CCDC85A: variants seen among roughly 807,000 people sequenced by gnomAD.
The protein encoded by CCDC85A is coiled-coil domain containing 85A.
In CCDC85A, 38 loss-of-function variants were observed where a neutral mutation model predicts 50.2. That is an observed-to-expected ratio of 0.76 (90% CI 0.58 to 0.99). The LOEUF (loss-of-function observed/expected upper bound fraction) is 0.99. CCDC85A is among the 50% of genes least tolerant of loss of function. The pLI is 0.00. For synonymous variants in CCDC85A, 366 were observed against 301.4 expected (o/e 1.21, Z -2.22); for missense variants, 820 against 742.0 (o/e 1.11, Z -1.22).
At chr2:56,355,304 G>A (rs537685884) in intron 3 of CCDC85A, among the ~76,000 whole-genome samples, 12 of 152,322 alleles carry the variant, frequency 7.9e-5, no homozygotes, top group African/African-American at 2.9e-4. Context: ...CCAGGAAATG[G>A]AGGTGGGAAG....
chr2:56,213,848 G>A lies in CCDC85A; in HGVS notation c.1240+20408G>A, dbSNP rs72801180. Among the ~76,000 whole-genome samples the A allele has an allele frequency of 1.3e-4, 20 of 151,994 alleles. 1 individual carries two copies. The highest frequency in any genetic ancestry group is 4.1e-4 in the South Asian group (2 of 4,822). Reference sequence around the variant, plus strand: ...GAAAATAGAACAACCAAAAATACCCGCCTCTCATAAATATGACATGATTAT... The same window carrying A: ...GAAAATAGAACAACCAAAAATACCCACCTCTCATAAATATGACATGATTAT... On this transcript the variant is annotated intron_variant, in intron 2 of 5. Coordinates refer to ENST00000407595, the MANE Select transcript of CCDC85A (RefSeq NM_001080433.2).
At chr2:56,275,721 A>G (rs1361148819) in intron 2 of CCDC85A, among the ~76,000 whole-genome samples, 1 of 152,190 alleles carries the variant, frequency 6.6e-6, no homozygotes, top group Non-Finnish European at 1.5e-5. Flanking sequence ...AAACATATAC[A>G]TCCCTGTATA....
chr2:56,229,006 T>C (rs1252490517), intron 2 of CCDC85A, among the ~76,000 whole-genome samples: 1 of 152,226 alleles, frequency 6.6e-6, no homozygotes, highest in Non-Finnish European at 1.5e-5. Context: ...ACTGGATACC[T>C]GTGATTGCAA....
chr2:56,332,970 G>A (rs1673888320), intron 2 of CCDC85A, among the ~76,000 whole-genome samples: 1 of 152,112 alleles, frequency 6.6e-6, no homozygotes, highest in Non-Finnish European at 1.5e-5. Flanking sequence ...TACATTACTG[G>A]TTGATTCCTT....
chr2:56,287,002 G>T (rs1006756707), intron 2 of CCDC85A, among the ~76,000 whole-genome samples: 4 of 152,066 alleles, frequency 2.6e-5, no homozygotes, highest in African/African-American at 9.7e-5. Flanking sequence ...TTTCTCCAAG[G>T]GGTGCCCTTT....
chr2:56,239,787 G>A (rs1669176629), intron 2 of CCDC85A, among the ~76,000 whole-genome samples: 2 of 152,244 alleles, frequency 1.3e-5, no homozygotes, highest in South Asian at 4.1e-4. Flanking sequence ...GGCAGTTACT[G>A]GAGAGATGAT....
intron 2 of CCDC85A, among the ~76,000 whole-genome samples, chr2:56,304,975 C>T (rs1672376281): frequency 1.3e-5 from 2 of 150,070 alleles, no homozygotes; most frequent in African/African-American, 4.9e-5. Flanking sequence ...TGGTGGTGTG[C>T]ACTTTTAGTC....
rs561240806 is a variant in CCDC85A at position 56,254,616 on chromosome 2, G to A, written c.1240+61176G>A. ...AATGGTGAACTAAAATACGCATGGT[G>A]TCCCTGATCTCATGGAGCCCATGGC... On this transcript the variant is annotated intron_variant, in intron 2 of 5. Transcript: ENST00000407595. 5.3e-5 allele frequency among the ~76,000 whole-genome samples: 8 copies of A among 151,234 alleles called. No homozygotes were observed. In the East Asian group the frequency reaches 1.4e-3, roughly 26 times the overall value.
chr2:56,238,445 G>A (rs1003178196), intron 2 of CCDC85A, among the ~76,000 whole-genome samples: 5 of 149,456 alleles, frequency 3.3e-5, no homozygotes, highest in South Asian at 4.2e-4. Context: ...GGCACTCAGC[G>A]TTCATTTTTT....
At chr2:56,331,015 A>G (rs1673763696) in intron 2 of CCDC85A, among the ~76,000 whole-genome samples, 1 of 151,754 alleles carries the variant, frequency 6.6e-6, no homozygotes, top group Non-Finnish European at 1.5e-5. Flanking sequence ...AATGTGGTAT[A>G]TGTATAGACA....
chr2:56,357,401 C>A (rs955523074), intron 3 of CCDC85A, among the ~76,000 whole-genome samples: 1 of 152,176 alleles, frequency 6.6e-6, no homozygotes, highest in African/African-American at 2.4e-5. Context: ...TTTCTTGTGG[C>A]TACAGTTGAT....
At position 56,357,655 on chromosome 2, in the gene CCDC85A, C is replaced by CTTTTTT. The variant is rs67738219; in HGVS notation, c.1318-14678_1318-14673dup. Among the ~76,000 whole-genome samples, 656 of 114,560 alleles carry CTTTTTT rather than the reference C, an allele frequency of 5.7e-3. 18 individuals carry two copies. The highest frequency in any genetic ancestry group is 0.015 in the African/African-American group (444 of 29,602). The allele number at this position is 114,560 out of a possible 152,430, so 75.2% of individuals were successfully genotyped here. ...TCATGGAAGGGATAGTGTCCATTTC[C>CTTTTTT]TTTTTTTTTTTTTTTTGCTATGTTC... On this transcript the variant is annotated intron_variant, in intron 3 of 5. Coordinates refer to ENST00000407595, the MANE Select transcript of CCDC85A (RefSeq NM_001080433.2).
intron 2 of CCDC85A, among the ~76,000 whole-genome samples, chr2:56,218,041 A>G (rs953052060): frequency 2.0e-5 from 3 of 151,852 alleles, no homozygotes; most frequent in African/African-American, 4.8e-5. Flanking sequence ...ACCTTGTCTG[A>G]TACAACATCT....
At chr2:56,358,737 A>G in intron 3 of CCDC85A, among the ~76,000 whole-genome samples, 1 of 151,860 alleles carries the variant, frequency 6.6e-6, no homozygotes, top group East Asian at 1.9e-4. Flanking sequence ...CACTAAAATA[A>G]TTTATTCATC....
At chr2:56,339,019 G>A (rs1448319480) in intron 2 of CCDC85A, among the ~76,000 whole-genome samples, 1 of 152,130 alleles carries the variant, frequency 6.6e-6, no homozygotes, top group African/African-American at 2.4e-5. Context: ...AGTAATAATT[G>A]CAACAGGGGC....
chr2:56,295,811 C>G (rs1671922630), intron 2 of CCDC85A, among the ~76,000 whole-genome samples: 1 of 152,196 alleles, frequency 6.6e-6, no homozygotes, highest in Non-Finnish European at 1.5e-5. Flanking sequence ...CCTCCCCTAT[C>G]ATAACAGCTT....
chr2:56,335,406 A>G (rs1335608286), intron 2 of CCDC85A, among the ~76,000 whole-genome samples: 1 of 152,140 alleles, frequency 6.6e-6, no homozygotes, highest in Admixed American at 6.5e-5. Flanking sequence ...TCTTTTGCTG[A>G]GAGAGACTAT....
intron 2 of CCDC85A, among the ~76,000 whole-genome samples, chr2:56,249,648 G>A (rs561099771): frequency 3.9e-5 from 6 of 152,208 alleles, no homozygotes; most frequent in Non-Finnish European, 8.8e-5. Flanking sequence ...AGTTTTCTCT[G>A]AGCCTTCACG....
In CCDC85A at chr2:56,356,839, G is replaced by T. The variant is rs184484100; in HGVS notation, c.1317+13884G>T. Among the ~76,000 whole-genome samples, 918 of 151,158 alleles carry T rather than the reference G, an allele frequency of 6.1e-3. 11 individuals carry two copies. Among genetic ancestry groups the T allele is most frequent in the Middle Eastern group, 0.043 (12 of 282 alleles). On this transcript the variant is annotated intron_variant, in intron 3 of 5. Coordinates refer to ENST00000407595, the MANE Select transcript of CCDC85A (RefSeq NM_001080433.2). ...AATCCCAGCGCTTTGGGAGGCCGAG[G>T]CTTGTGGATCACGAGGTCAGGAGAT... is the stretch of plus-strand genomic sequence containing the variant.
Sources: allele counts gnomAD v4.1 joint callset (sites outside exome capture counted in the v4.1 genomes callset), GRCh38; gene constraint gnomAD v4.1.1; transcripts MANE v1.5; gene names NCBI Gene and HGNC (gene_info 2026-07-23, HGNC 2026-07-21).